The following TSR1 variants were observed in gnomAD, a reference collection of about 807,000 sequenced individuals.
TSR1 encodes the protein TSR1 ribosome maturation factor.
In TSR1, 81 loss-of-function variants were observed where a neutral mutation model predicts 90.9. The observed-to-expected ratio is 0.89, with a 90% CI of 0.74 to 1.07. The LOEUF is 1.07. Among genes scored for constraint, TSR1 ranks in the 50% least tolerant of loss-of-function variants. TSR1 has a pLI of 0.00. For synonymous variants in TSR1, 362 were observed against 348.8 expected (o/e 1.04, Z -0.42); for missense variants, 989 against 987.3 (o/e 1.00, Z -0.02).
At position 2,324,568 on chromosome 17, in the gene TSR1, C is replaced by A. The variant is rs1272814639; in HGVS notation, c.2172G>T (p.Leu724=). ...TTCTCAGTTCCACTGGTTTAAACCA[C>A]AGCACATCCTCTTAGAATCAAACAC... ...RYMFFNREDV[L]WFKPVELRTK... The change falls in exon 14 of 15, where the codon CTG becomes CTT. Residue 724 remains leucine (L), a synonymous_variant. Coordinates refer to ENST00000301364, the MANE Select transcript of TSR1 (RefSeq NM_018128.5). 9.9e-6 allele frequency: 16 copies of A among 1,614,194 alleles called. No individual in the cohort carries two copies. The highest frequency in any genetic ancestry group is 1.2e-5 in the Non-Finnish European group (14 of 1,180,036).
Position 2,336,225 on chromosome 17 carries a change from C to T in TSR1, c.98-85G>A, listed in dbSNP as rs1195104111. 17 of 1,600,772 alleles carry T rather than the reference C, an allele frequency of 1.1e-5. No homozygotes were observed. In the East Asian group the frequency reaches 3.1e-4, roughly 29 times the overall value. The stretch of plus-strand genomic sequence containing the variant: ...TCCTCTCCGCCCACCTTAGAAAGGG[C>T]CTTTCGCGTGGAGCCCAGACGGGAG... On this transcript the variant is annotated intron_variant, in intron 1 of 14. Transcript: ENST00000301364.
At chr17:2,326,069 G>C (rs1006949447) in intron 11 of TSR1, among the ~76,000 whole-genome samples, 3 of 152,154 alleles carry the variant, frequency 2.0e-5, no homozygotes, top group African/African-American at 7.2e-5. Flanking sequence ...TGGAATTGCA[G>C]GTGCCTGATC....
At chr17:2,332,428 T>A in intron 7 of TSR1, 69 bp from the exon 8 acceptor site, 1 of 1,338,554 alleles carries the variant, frequency 7.5e-7, no homozygotes, top group Non-Finnish European at 1.0e-6. Flanking sequence ...GCCAATAAGC[T>A]AAGAGTAAAA....
Position 2,333,621 on chromosome 17 carries a change from A to G in TSR1, c.1077T>C (p.Val359=), listed in dbSNP as rs2064023411. 3 of 1,614,106 alleles carry G rather than the reference A, an allele frequency of 1.9e-6. No individual in the cohort carries two copies. Among genetic ancestry groups the G allele is most frequent in the Non-Finnish European group, 2.5e-6 (3 of 1,180,030 alleles). ...GCTCTCCCTCCATTGGATCTGGGAT[A>G]ACCTCTGCTTGCAAGGATTCCTGTC... ...PGRQESLQAE[V]IPDPMEGEQT... is the part of the protein sequence containing the mutation. The change falls in exon 6 of 15, where the codon GTT becomes GTC. Residue 359 remains valine, a synonymous_variant. Coordinates refer to ENST00000301364, the MANE Select transcript of TSR1 (RefSeq NM_018128.5).
intron 11 of TSR1, 102 bp from the exon 12 acceptor site, chr17:2,325,522 C>A: frequency 2.3e-6 from 2 of 852,490 alleles, no homozygotes; most frequent in Non-Finnish European, 3.6e-6. Context: ...AAACCTATGG[C>A]AGCTTCTACT....
chr17:2,325,172 G>A (rs981519278), intron 12 of TSR1, 132 bp downstream of exon 12: 10 of 705,486 alleles, frequency 1.4e-5, no homozygotes, highest in Non-Finnish European at 2.1e-5. Context: ...GTTAAATGAA[G>A]ACTTACTGTA....
Position 2,335,576 on chromosome 17 carries a change from G to T in TSR1, c.356C>A (p.Thr119Asn), listed in dbSNP as rs1341618946. Residue 119 changes from threonine to asparagine, a missense_variant, in exon 3 of 15, where the codon ACC (threonine) becomes AAC (asparagine). Transcript: ENST00000301364. ...GGGGCACAGCAGCATAAAGTTCTGG[G>T]TGTTTCCCAATTCATTCAAGTGTAC... ...GTVHLNELGN[T>N]QNFMLLCPRL... 3.1e-6 allele frequency: 5 copies of T among 1,614,156 alleles called. No homozygotes were observed. The Admixed American group carries it at 6.7e-5, about 22-fold the overall frequency.
At chr17:2,336,229 T>C in intron 1 of TSR1, 89 bp from the exon 2 acceptor site, 1 of 1,602,474 alleles carries the variant, frequency 6.2e-7, no homozygotes, top group Non-Finnish European at 8.6e-7. Flanking sequence ...AAAGGGCCTT[T>C]CGCGTGGAGC....
intron 11 of TSR1, among the ~76,000 whole-genome samples, chr17:2,327,651 A>G (rs2075583041): frequency 6.6e-6 from 1 of 152,216 alleles, no homozygotes; most frequent in South Asian, 2.1e-4. Flanking sequence ...GTATCAGTAC[A>G]TCACATACAC....
At position 2,330,969 on chromosome 17, in the gene TSR1, TC is replaced by T. The variant is rs1262512878; in HGVS notation, c.1636del (p.Glu546LysfsTer34). 49 of 1,594,840 alleles carry T rather than the reference TC, an allele frequency of 3.1e-5. No homozygotes were observed. Among genetic ancestry groups the T allele is most frequent in the Non-Finnish European group, 4.2e-5 (49 of 1,174,926 alleles). ...TACCTCAGCTCCTTCAACCTCTTTTTCTTCAACCTCTTTAAAGATGCTTTTC... is the reference window on the plus strand; with the variant it reads ...TACCTCAGCTCCTTCAACCTCTTTTTTTCAACCTCTTTAAAGATGCTTTTC... Reference protein sequence around the residue: ...TRKSIFKEVEEKEVEGAEVGW... With the variant: ...TRKSIFKEVEXKEVEGAEVGW... On this transcript the variant is annotated frameshift_variant, in exon 9 of 15. Coordinates refer to ENST00000301364, the MANE Select transcript of TSR1 (RefSeq NM_018128.5). LOFTEE classifies it high-confidence loss of function.
intron 4 of TSR1, 95 bp from the exon 5 acceptor site, chr17:2,334,991 C>T (rs2064041486): frequency 3.0e-6 from 4 of 1,355,286 alleles, no homozygotes; most frequent in Non-Finnish European, 3.0e-6. Flanking sequence ...CAGTTGCAAG[C>T]CCAGAGATCA....
At position 2,336,436 on chromosome 17, in the gene TSR1, G is replaced by A. The variant is rs1049522492; in HGVS notation, c.-9C>T. The stretch of plus-strand genomic sequence containing the variant: ...GGGCGGTGGGCCGCCATGCCGCAGC[G>A]CGCGTGTACGGAGTCAGCACTGCTT... On this transcript the variant is annotated 5_prime_UTR_variant, in exon 1 of 15. Transcript: ENST00000301364. 1.2e-6 allele frequency: 2 copies of A among 1,608,490 alleles called. No homozygotes were observed. The highest frequency in any genetic ancestry group is 1.1e-5 in the South Asian group (1 of 90,916).
intron 11 of TSR1, among the ~76,000 whole-genome samples, chr17:2,326,052 G>C (rs1455285565): frequency 6.6e-6 from 1 of 152,078 alleles, no homozygotes; most frequent in Non-Finnish European, 1.5e-5. Context: ...TCAGGCTCCC[G>C]AATAGCTGGA....
chr17:2,332,862 A>G, intron 7 of TSR1, 99 bp downstream of exon 7: 2 of 1,245,382 alleles, frequency 1.6e-6, no homozygotes, highest in Middle Eastern at 2.0e-4. Context: ...AAAAAATAAA[A>G]AAAAGAAACT....
At chr17:2,329,015 G>A (rs1378903994) in intron 11 of TSR1, 3 of 384,958 alleles carry the variant, frequency 7.8e-6, no homozygotes, top group African/African-American at 6.2e-5. Context: ...TGCCACAAGT[G>A]TTGGGATTAC....
chr17:2,336,101 T>C lies in TSR1; in HGVS notation c.137A>G (p.Lys46Arg), dbSNP rs1336108360. 3 of 1,614,152 alleles carry C rather than the reference T, an allele frequency of 1.9e-6. No individual in the cohort carries two copies. The highest frequency in any genetic ancestry group is 1.7e-5 in the Admixed American group (1 of 60,022). The part of the protein sequence containing the change: ...ALKTLSKKVR[K>R]ELSRVDQRHR... ...CCTCTGGTCGACTCTGCTGAGTTCT[T>C]TTCTCACCTTCTTGCTTAGGGTTTT... is the stretch of plus-strand genomic sequence containing the variant. Residue 46 changes from lysine (K) to arginine (R), a missense_variant, in exon 2 of 15, where the codon AAA becomes AGA. Coordinates refer to ENST00000301364, the MANE Select transcript of TSR1 (RefSeq NM_018128.5).
At chr17:2,328,294 C>T (rs1351486282) in intron 11 of TSR1, among the ~76,000 whole-genome samples, 1 of 151,222 alleles carries the variant, frequency 6.6e-6, no homozygotes, top group Non-Finnish European at 1.5e-5. Context: ...TGTCTGTAAT[C>T]CCAGCACTTT....
At chr17:2,331,762 A>C (rs1185201019) in intron 8 of TSR1, among the ~76,000 whole-genome samples, 3 of 152,128 alleles carry the variant, frequency 2.0e-5, no homozygotes, top group African/African-American at 7.2e-5. Context: ...TTACCTCCTA[A>C]TATCCAAAAT....
chr17:2,330,353 C>T (rs1171604060), intron 10 of TSR1, 162 bp downstream of exon 10: 2 of 761,102 alleles, frequency 2.6e-6, no homozygotes, highest in East Asian at 2.5e-5. Flanking sequence ...ATGAATAAAA[C>T]CATCATTGAC....
Sources: allele counts gnomAD v4.1 joint callset (sites outside exome capture counted in the v4.1 genomes callset), GRCh38; gene constraint gnomAD v4.1.1; transcripts MANE v1.5; gene names NCBI Gene and HGNC (gene_info 2026-07-23, HGNC 2026-07-21).